The following CHST15 variants were observed in gnomAD, a reference collection of about 807,000 sequenced individuals.
CHST15 encodes the protein B cell RAG associated protein (GALNAC4S-6ST).
A neutral mutation model predicts 53.6 loss-of-function variants in CHST15; 30 were observed. The observed-to-expected ratio is 0.56, with a 90% CI of 0.42 to 0.76. The LOEUF is 0.76. Ranked by LOEUF, CHST15 falls within the 30% of genes least tolerant of loss-of-function variation. The pLI, the probability that CHST15 is intolerant of heterozygous loss-of-function variation, is 0.00. For missense variants in CHST15, 627 were observed against 740.5 expected, an observed-to-expected ratio of 0.85 and a Z score of 1.78; for synonymous variants, 296 against 289.8, an observed-to-expected ratio of 1.02 and a Z score of -0.22.
chr10:124,034,778 T>A lies in CHST15; in HGVS notation c.1190+3737A>T, dbSNP rs1479294174. ...TAACAGGGACGCCGGCTCCACCCCC[T>A]AACAGGGACGCCGGCTCCGCCCCTA... On this transcript the variant is annotated intron_variant, in intron 5 of 7. Transcript: ENST00000435907. Among the ~76,000 whole-genome samples, 2 of 112,012 alleles carry A rather than the reference T, an allele frequency of 1.8e-5. 1 individual carries two copies. The highest frequency in any genetic ancestry group is 5.8e-4 in the East Asian group (2 of 3,448). 73.5% of individuals were successfully genotyped at this position (112,012 alleles called of 152,430 possible). A position where few individuals can be genotyped will look rare whatever the true frequency, so the allele number is the denominator to read the frequency against.
At chr10:124,040,332 GC>G (rs1181088820) in intron 4 of CHST15, among the ~76,000 whole-genome samples, 1 of 152,144 alleles carries the variant, frequency 6.6e-6, no homozygotes, top group Non-Finnish European at 1.5e-5. Context: ...GGAAAGCACG[GC>G]CCCTCCTCTC....
In CHST15 at chr10:124,038,601, G is replaced by C; in HGVS notation, c.1104C>G (p.Gly368=). The C allele has an allele frequency of 6.2e-7, 1 of 1,614,050 alleles. No homozygotes were observed. The highest frequency in any genetic ancestry group is 8.5e-7 in the Non-Finnish European group (1 of 1,179,990). ...WTFFYDNSTD[G]EPPFLTQDFI... is the part of the protein sequence containing the mutation. ...AGTCCTGCGTCAGAAACGGTGGCTC[G>C]CCATCCGTGCTGTTGTCGTAGAAGA... Residue 368 remains glycine (G), a synonymous_variant, in exon 5 of 8, where the codon GGC becomes GGG. Transcript: ENST00000435907.
intron 7 of CHST15, chr10:124,011,696 C>T: frequency 1.0e-6 from 1 of 985,460 alleles, no homozygotes; most frequent in Non-Finnish European, 1.2e-6. Context: ...CACAAAGTGA[C>T]TCTCAGGCCC....
At chr10:124,013,402 G>T (rs1000046760) in intron 6 of CHST15, among the ~76,000 whole-genome samples, 19 of 152,192 alleles carry the variant, frequency 1.2e-4, no homozygotes, top group Non-Finnish European at 2.2e-4. Context: ...ACATACCATG[G>T]CCAGTGGCAC....
chr10:124,063,532 A>G (rs1180988662), intron 1 of CHST15, among the ~76,000 whole-genome samples: 1 of 152,242 alleles, frequency 6.6e-6, no homozygotes, highest in Non-Finnish European at 1.5e-5. Flanking sequence ...ATTTATTTAT[A>G]GACCTATCAC....
At chr10:124,016,940 C>A (rs373615240) in intron 6 of CHST15, among the ~76,000 whole-genome samples, 1 of 152,190 alleles carries the variant, frequency 6.6e-6, no homozygotes, top group East Asian at 1.9e-4. Context: ...TTCAGCTGTG[C>A]TCTCCAGTTC....
chr10:124,082,078 G>A (rs28719967), intron 1 of CHST15, among the ~76,000 whole-genome samples: 2,175 of 152,206 alleles, frequency 0.014, 69 homozygotes, highest in East Asian at 0.11. Context: ...TCTGGGCCTC[G>A]GACATCAGAT....
chr10:124,088,237 C>T (rs1339663000), intron 1 of CHST15, among the ~76,000 whole-genome samples: 1 of 152,230 alleles, frequency 6.6e-6, no homozygotes, highest in Non-Finnish European at 1.5e-5. Context: ...AGTCGCTACC[C>T]CGGGCTCCTG....
chr10:124,038,458 AC>A, intron 5 of CHST15, 56 bp downstream of exon 5: 1 of 1,579,732 alleles, frequency 6.3e-7, no homozygotes. Flanking sequence ...AGAGGGGAAC[AC>A]TGTTCTTCAA....
Position 124,043,430 on chromosome 10 carries a change from T to C in CHST15, c.887-983A>G, listed in dbSNP as rs146249843. On this transcript the variant is annotated intron_variant, in intron 3 of 7. Coordinates refer to ENST00000435907, the MANE Select transcript of CHST15 (RefSeq NM_001270764.2). The stretch of plus-strand genomic sequence containing the variant: ...ACTTTAGCTCACTGTAGGACGAACA[T>C]CAAAAGGATGAAAGCAAACGTTTGT... Among the ~76,000 whole-genome samples, 244 of 152,300 alleles carry C rather than the reference T, an allele frequency of 1.6e-3. 2 individuals are homozygous for C. The highest frequency in any genetic ancestry group is 5.5e-3 in the African/African-American group (230 of 41,548).
Position 124,038,111 on chromosome 10 carries a change from TTA to T in CHST15, c.1190+402_1190+403del, listed in dbSNP as rs755510730. ...TATTTTTGTTTGTTTTTATTTTATT[TTA>T]TTTTTTTTTTTGAGATGGAGTCTCA... On this transcript the variant is annotated intron_variant, in intron 5 of 7. Transcript: ENST00000435907. Among the ~76,000 whole-genome samples, 964 of 135,992 alleles carry T rather than the reference TTA, an allele frequency of 7.1e-3. 21 individuals carry two copies. Among genetic ancestry groups the T allele is most frequent in the African/African-American group, 0.021 (836 of 39,364 alleles). 89.2% of individuals were successfully genotyped at this position (135,992 alleles called of 152,430 possible). A position where few individuals can be genotyped will look rare whatever the true frequency, so the allele number is the denominator to read the frequency against.
chr10:124,011,211 C>CG (rs1198147572), intron 7 of CHST15, among the ~76,000 whole-genome samples: 1 of 151,634 alleles, frequency 6.6e-6, no homozygotes, highest in African/African-American at 2.4e-5. Context: ...GCCTCTTTAC[C>CG]GGGGGCTCTT....
chr10:124,062,568 T>C (rs1948615612), intron 1 of CHST15, among the ~76,000 whole-genome samples: 1 of 152,066 alleles, frequency 6.6e-6, no homozygotes, highest in Non-Finnish European at 1.5e-5. Flanking sequence ...CACAAAAATA[T>C]GCCCATAGTG....
At chr10:124,087,379 C>T (rs1026590776) in intron 1 of CHST15, among the ~76,000 whole-genome samples, 6 of 152,170 alleles carry the variant, frequency 3.9e-5, no homozygotes, top group African/African-American at 1.2e-4. Flanking sequence ...CAAAAGGGTC[C>T]GGCAGGGGCG....
chr10:124,009,140 C>T lies in CHST15; in HGVS notation c.*1009G>A, dbSNP rs908782514. On this transcript the variant is annotated 3_prime_UTR_variant, in exon 8 of 8. Transcript: ENST00000435907. ...AAGGCAGAGAAATGGAGCCTGTAGC[C>T]GGCCAGAACTAAAAATTAAAATCCT... 2.0e-5 allele frequency: 24 copies of T among 1,216,754 alleles called. No individual in the cohort carries two copies. Among genetic ancestry groups the T allele is most frequent in the Middle Eastern group, 2.3e-4 (1 of 4,314 alleles). 75.4% of individuals were successfully genotyped at this position (1,216,754 alleles called of 1,614,324 possible).
chr10:124,086,407 G>A (rs915497808), intron 1 of CHST15, among the ~76,000 whole-genome samples: 14 of 152,166 alleles, frequency 9.2e-5, no homozygotes, highest in Admixed American at 8.5e-4. Context: ...TTGTCTATAC[G>A]TGGTGGTTTC....
intron 7 of CHST15, chr10:124,011,710 G>A: frequency 3.0e-6 from 3 of 985,366 alleles, no homozygotes; most frequent in Non-Finnish European, 3.6e-6. Flanking sequence ...CAGGCCCCTG[G>A]GGGGGCTGGT....
At chr10:124,081,721 A>G (rs1203228615) in intron 1 of CHST15, among the ~76,000 whole-genome samples, 1 of 152,252 alleles carries the variant, frequency 6.6e-6, no homozygotes, top group African/African-American at 2.4e-5. Context: ...TGGAAGGACC[A>G]GCCTGAGGAC....
chr10:124,061,763 T>C (rs542584990), intron 1 of CHST15, among the ~76,000 whole-genome samples: 1 of 152,316 alleles, frequency 6.6e-6, no homozygotes, highest in East Asian at 1.9e-4. Flanking sequence ...TCACGTCCAG[T>C]AAGACACGTC....
Sources: allele counts gnomAD v4.1 joint callset (sites outside exome capture counted in the v4.1 genomes callset), GRCh38; gene constraint gnomAD v4.1.1; transcripts MANE v1.5; gene names NCBI Gene and HGNC (gene_info 2026-07-23, HGNC 2026-07-21).